KLF8: variants seen among roughly 807,000 people sequenced by gnomAD.
KLF8 encodes Krueppel-like factor 8.
KLF8 carries 10 observed loss-of-function variants against 18.2 expected under a neutral mutation model. The ratio of observed to expected loss-of-function variants is 0.55; its 90% confidence interval spans 0.34 to 0.93. The LOEUF is 0.93. Ranked by LOEUF, KLF8 falls within the 40% of genes least tolerant of loss-of-function variation. KLF8 has a pLI of 0.02. For synonymous variants in KLF8, 109 were observed against 97.3 expected (o/e 1.12, Z -0.71); for missense variants, 264 against 277.9 (o/e 0.95, Z 0.36).
the KLF8 span, among the ~76,000 whole-genome samples, chrX:56,068,862 C>A: frequency 1.8e-5 from 2 of 112,244 alleles, no homozygotes; most frequent in South Asian, 7.5e-4. Context: ...CCACTGATAG[C>A]CATGCAGGTA....
intron 5 of KLF8, among the ~76,000 whole-genome samples, chrX:56,276,145 C>T (rs1261722833): frequency 3.7e-5 from 4 of 109,477 alleles, no homozygotes; most frequent in African/African-American, 1.0e-4. Context: ...CCCCCGCCCC[C>T]GCACCTCGCC....
chrX:56,225,200 CA>C, the KLF8 span, among the ~76,000 whole-genome samples: 99 of 111,491 alleles, frequency 8.9e-4, no homozygotes, highest in African/African-American at 3.1e-3. Context: ...TATTATTAAA[CA>C]TTTAGATCTT....
At chrX:56,039,919 T>A in the KLF8 span, among the ~76,000 whole-genome samples, 1 of 111,630 alleles carries the variant, frequency 9.0e-6, no homozygotes, top group African/African-American at 3.3e-5. Context: ...GGTTTTTAGT[T>A]CTCCTTGAAG....
chrX:56,184,630 G>T, the KLF8 span, among the ~76,000 whole-genome samples: 2 of 111,769 alleles, frequency 1.8e-5, no homozygotes, highest in African/African-American at 3.3e-5. Flanking sequence ...CCCCCGAGTA[G>T]CGGCAGACTG....
chrX:56,028,504 C>T, the KLF8 span, among the ~76,000 whole-genome samples: 1 of 111,473 alleles, frequency 9.0e-6, no homozygotes, highest in African/African-American at 3.3e-5. Context: ...CACCTTATAT[C>T]CACAGTCCTC....
At chrX:56,081,054 A>AT in the KLF8 span, among the ~76,000 whole-genome samples, 5 of 109,967 alleles carry the variant, frequency 4.5e-5, no homozygotes, top group African/African-American at 6.6e-5. Flanking sequence ...ATTCTTCTAA[A>AT]TTTTTTTCAA....
the KLF8 span, among the ~76,000 whole-genome samples, chrX:56,037,729 T>G: frequency 3.6e-5 from 4 of 110,950 alleles, no homozygotes; most frequent in Non-Finnish European, 5.7e-5. Flanking sequence ...ACATGAGATA[T>G]TTTGATATAG....
chrX:55,939,324 C>A, the KLF8 span, among the ~76,000 whole-genome samples: 1 of 110,806 alleles, frequency 9.0e-6, no homozygotes, highest in East Asian at 2.8e-4. Flanking sequence ...TCTTTGAAAC[C>A]AACGAGAGCA....
At chrX:56,211,240 G>A in the KLF8 span, among the ~76,000 whole-genome samples, 12 of 112,438 alleles carry the variant, frequency 1.1e-4, no homozygotes, top group African/African-American at 3.9e-4. Context: ...TGCTTTAGGG[G>A]GCACCCCAGG....
the KLF8 span, among the ~76,000 whole-genome samples, chrX:56,088,438 A>G: frequency 2.7e-5 from 3 of 111,740 alleles, no homozygotes; most frequent in Admixed American, 2.9e-4. Flanking sequence ...CTTCTCTATA[A>G]TGAGTCACTC....
rs2067303751 is a variant in KLF8 at position 56,289,692 on chromosome X, C to G, written c.*5198C>G. Among the ~76,000 whole-genome samples the G allele has an allele frequency of 9.0e-6, 1 of 111,594 alleles. No individual in the cohort carries two copies. The highest frequency in any genetic ancestry group is 1.9e-5 in the Non-Finnish European group (1 of 53,159). ...GCTCTCAACCTCTGTCATCTATTTA[C>G]TTAATTTTTCAAATTCAGTGTGCAC... On this transcript the variant is annotated 3_prime_UTR_variant, in exon 6 of 6. Transcript: ENST00000468660.
chrX:55,944,567 T>C, the KLF8 span, among the ~76,000 whole-genome samples: 1 of 111,828 alleles, frequency 8.9e-6, no homozygotes, highest in Non-Finnish European at 1.9e-5. Context: ...TGGCAGGGTG[T>C]ATGTGTCGAG....
chrX:56,195,995 G>A, the KLF8 span, among the ~76,000 whole-genome samples: 1 of 111,350 alleles, frequency 9.0e-6, no homozygotes, highest in Non-Finnish European at 1.9e-5. Flanking sequence ...CTTCATAAGT[G>A]AAGGAGAAAT....
At chrX:55,939,707 C>G in the KLF8 span, among the ~76,000 whole-genome samples, 2 of 111,312 alleles carry the variant, frequency 1.8e-5, no homozygotes, top group Non-Finnish European at 3.8e-5. Flanking sequence ...ACCACTGAGC[C>G]CACAGAAATA....
the KLF8 span, among the ~76,000 whole-genome samples, chrX:56,130,986 C>T: frequency 9.0e-6 from 1 of 111,167 alleles, no homozygotes; most frequent in Non-Finnish European, 1.9e-5. Flanking sequence ...TGTGCAAAGC[C>T]TCCAAGAAGT....
At chrX:56,212,193 AG>A in the KLF8 span, among the ~76,000 whole-genome samples, 3 of 111,381 alleles carry the variant, frequency 2.7e-5, no homozygotes, top group Admixed American at 9.5e-5. Context: ...CCTAGATGCA[AG>A]ACAAAGTCCA....
chrX:56,032,118 G>A, the KLF8 span, among the ~76,000 whole-genome samples: 2 of 110,825 alleles, frequency 1.8e-5, no homozygotes, highest in African/African-American at 6.6e-5. Context: ...CTGGCGCCGG[G>A]CTGCCTGCCT....
the KLF8 span, among the ~76,000 whole-genome samples, chrX:55,963,055 G>GA: frequency 8.9e-6 from 1 of 112,317 alleles, no homozygotes; most frequent in East Asian, 2.8e-4. Context: ...TTAAGAAAAA[G>GA]AGAAGGCTCT....
At chrX:56,021,416 ATAAAAGCTGTATGAATTT>A in the KLF8 span, among the ~76,000 whole-genome samples, 1 of 111,510 alleles carries the variant, frequency 9.0e-6, no homozygotes, top group Non-Finnish European at 1.9e-5. Context: ...AATTAAAATA[ATAAAAGCTGTATGAATTT>A]TTTTGTAAGT....
Sources: allele counts gnomAD v4.1 joint callset (sites outside exome capture counted in the v4.1 genomes callset), GRCh38; gene constraint gnomAD v4.1.1; transcripts MANE v1.5; gene names NCBI Gene and HGNC (gene_info 2026-07-23, HGNC 2026-07-21).